Variants in SLC26A7 observed in about 807,000 individuals in gnomAD.
The protein encoded by SLC26A7 is solute carrier family 26 member 7, also known as anion exchange transporter.
Under a neutral mutation model 82.5 loss-of-function variants are expected in SLC26A7, and 59 were observed. That is an observed-to-expected ratio of 0.72 (90% confidence interval 0.58 to 0.89). The LOEUF (loss-of-function observed/expected upper bound fraction) is 0.89, where lower values mean the gene tolerates loss of function less well. SLC26A7 is among the 40% of genes least tolerant of loss of function. The probability of loss-of-function intolerance (pLI) is 0.00; values close to 1 mark genes in which losing one functional copy is unlikely to be tolerated. For missense variants in SLC26A7, 820 were observed against 793.0 expected, an observed-to-expected ratio of 1.03 and a Z score of -0.41; for synonymous variants, 271 against 274.3, an observed-to-expected ratio of 0.99 and a Z score of 0.12.
At chr8:91,348,844 C>T (rs549697235) in intron 9 of SLC26A7, among the ~76,000 whole-genome samples, 8 of 151,898 alleles carry the variant, frequency 5.3e-5, no homozygotes, top group East Asian at 1.9e-4. Context: ...GTAAAATATA[C>T]GAAGAAAGTA....
At chr8:91,300,560 G>T (rs1158293920) in intron 4 of SLC26A7, among the ~76,000 whole-genome samples, 1 of 152,008 alleles carries the variant, frequency 6.6e-6, no homozygotes, top group Non-Finnish European at 1.5e-5. Context: ...ACTACGCCCG[G>T]CTAATTTTTT....
At chr8:91,351,659 T>A in intron 9 of SLC26A7, 151 bp from the exon 10 acceptor site, 1 of 586,432 alleles carries the variant, frequency 1.7e-6, no homozygotes, top group South Asian at 2.3e-5. Flanking sequence ...ATATAGATAA[T>A]GACAGTCTAA....
chr8:91,336,981 T>C (rs1244363674), intron 6 of SLC26A7, among the ~76,000 whole-genome samples: 1 of 152,180 alleles, frequency 6.6e-6, no homozygotes, highest in Non-Finnish European at 1.5e-5. Context: ...TATGTTAATA[T>C]GTCTGATTCT....
At chr8:91,252,210 T>C (rs1810678172) in intron 2 of SLC26A7, among the ~76,000 whole-genome samples, 1 of 152,106 alleles carries the variant, frequency 6.6e-6, no homozygotes, top group Admixed American at 6.6e-5. Flanking sequence ...TCCAATTTAC[T>C]GTTTCTTGAC....
At chr8:91,304,251 T>C (rs1812242637) in intron 4 of SLC26A7, among the ~76,000 whole-genome samples, 1 of 152,214 alleles carries the variant, frequency 6.6e-6, no homozygotes, top group Admixed American at 6.5e-5. Flanking sequence ...CCAAATCTCA[T>C]GTTGGATTAT....
chr8:91,393,634 C>T (rs775485621), intron 16 of SLC26A7, among the ~76,000 whole-genome samples, 163 bp from the exon 17 acceptor site: 2 of 152,094 alleles, frequency 1.3e-5, no homozygotes, highest in Non-Finnish European at 2.9e-5. Flanking sequence ...GTCTTTTAGA[C>T]GCTTGCCAGA....
At chr8:91,298,404 T>C (rs1289277964) in intron 4 of SLC26A7, among the ~76,000 whole-genome samples, 2 of 152,196 alleles carry the variant, frequency 1.3e-5, no homozygotes, top group East Asian at 3.8e-4. Flanking sequence ...AAATTTCTGA[T>C]TTTAGTTTGC....
upstream of SLC26A7, among the ~76,000 whole-genome samples, chr8:91,244,920 C>T (rs73697156): frequency 0.021 from 3,197 of 152,080 alleles, 97 homozygotes; most frequent in African/African-American, 0.073. Context: ...AAGAAAAAAA[C>T]ACACTAAAGA....
chr8:91,316,990 A>T (rs1263146544), intron 4 of SLC26A7, among the ~76,000 whole-genome samples: 29 of 24,012 alleles, frequency 1.2e-3, no homozygotes, highest in African/African-American at 4.9e-3. Flanking sequence ...CCTGTCTCTA[A>T]AAAAAAAAAA....
At chr8:91,320,612 T>C (rs777287530) in intron 5 of SLC26A7, among the ~76,000 whole-genome samples, 1 of 152,146 alleles carries the variant, frequency 6.6e-6, no homozygotes, top group Non-Finnish European at 1.5e-5. Flanking sequence ...TGCTTTGGGG[T>C]ACTTAGGCTG....
chr8:91,219,222 A>G, intron 2 of SLC26A7: 2 of 340,250 alleles, frequency 5.9e-6, no homozygotes, highest in East Asian at 8.7e-5. Context: ...AAAGTACAAA[A>G]AAAAATTGAA....
At chr8:91,367,827 C>T (rs1814239182) in intron 14 of SLC26A7, among the ~76,000 whole-genome samples, 1 of 152,188 alleles carries the variant, frequency 6.6e-6, no homozygotes, top group Non-Finnish European at 1.5e-5. Flanking sequence ...CCTCGAGCTA[C>T]TTATCCCCCA....
rs560450875 is a variant in SLC26A7 at position 91,305,031 on chromosome 8, T to C, written c.477+9328T>C. ...AAGACATTGCTCATGTCCTACCTCA[T>C]AGGGCTTCTGAATCTACCAGGAAAT... On this transcript the variant is annotated intron_variant, in intron 4 of 18. Coordinates refer to ENST00000276609, the MANE Select transcript of SLC26A7 (RefSeq NM_052832.4). 9.2e-5 allele frequency among the ~76,000 whole-genome samples: 14 copies of C among 152,302 alleles called. No individual in the cohort carries two copies. In the East Asian group the frequency reaches 2.3e-3, roughly 25 times the overall value.
chr8:91,220,879 T>G (rs538293498), intron 2 of SLC26A7, among the ~76,000 whole-genome samples: 3 of 152,326 alleles, frequency 2.0e-5, no homozygotes, highest in Admixed American at 1.3e-4. Flanking sequence ...GTAATGGGAT[T>G]GCTGGGTCAA....
At chr8:91,240,426 G>A (rs947647779) in intron 2 of SLC26A7, among the ~76,000 whole-genome samples, 3 of 152,106 alleles carry the variant, frequency 2.0e-5, no homozygotes, top group African/African-American at 7.2e-5. Context: ...GCTATTTCTT[G>A]AAGTGAAAGA....
At chr8:91,387,173 C>T (rs1042819040) in intron 15 of SLC26A7, among the ~76,000 whole-genome samples, 2 of 152,114 alleles carry the variant, frequency 1.3e-5, no homozygotes, top group Admixed American at 1.3e-4. Flanking sequence ...GAAGTACTCT[C>T]TGCATAGAGT....
intron 4 of SLC26A7, among the ~76,000 whole-genome samples, chr8:91,299,800 A>G (rs1812112960): frequency 6.6e-6 from 1 of 152,076 alleles, no homozygotes. Flanking sequence ...TTCAGCACCA[A>G]CTTGCATTGG....
chr8:91,211,622 T>A (rs1368253071), intron 1 of SLC26A7, among the ~76,000 whole-genome samples: 3,230 of 145,806 alleles, frequency 0.022, 119 homozygotes, highest in African/African-American at 0.075. Context: ...ATATATTTTT[T>A]TTTTATTTTT....
intron 14 of SLC26A7, among the ~76,000 whole-genome samples, chr8:91,368,430 T>A (rs551446346): frequency 4.6e-5 from 7 of 151,794 alleles, no homozygotes; most frequent in Non-Finnish European, 8.8e-5. Flanking sequence ...TTTTTGTTTT[T>A]TTTTTTGAGA....
Sources: gnomAD v4.1 joint callset for allele counts (sites outside exome capture counted in the v4.1 genomes callset) on GRCh38, gnomAD v4.1.1 for gene constraint, MANE v1.5 for transcripts, NCBI Gene and HGNC (gene_info 2026-07-23, HGNC 2026-07-21) for gene names.